The following EIF4G3 variants were observed in gnomAD, a reference collection of about 807,000 sequenced individuals.
EIF4G3 encodes the protein eIF-4-gamma 3.
In EIF4G3, 34 loss-of-function variants were observed where a neutral mutation model predicts 186.4. The observed-to-expected ratio is 0.18, with a 90% CI of 0.14 to 0.24. The LOEUF (loss-of-function observed/expected upper bound fraction) is 0.24, where lower values mean the gene tolerates loss of function less well. Among genes scored for constraint, EIF4G3 ranks in the 10% least tolerant of loss-of-function variants. EIF4G3 has a pLI of 1.00. For missense variants in EIF4G3, 1,536 were observed against 1,948.5 expected (o/e 0.79, Z 3.99); for synonymous variants, 673 against 679.5 (o/e 0.99, Z 0.15).
intron 25 of EIF4G3, among the ~76,000 whole-genome samples, chr1:20,856,396 G>A (rs1257224758): frequency 3.3e-5 from 5 of 152,134 alleles, no homozygotes; most frequent in Non-Finnish European, 4.4e-5. Flanking sequence ...TCAGAACTAT[G>A]GGAAGTATAA....
chr1:20,947,330 C>T (rs909521178), intron 13 of EIF4G3, among the ~76,000 whole-genome samples: 3 of 149,806 alleles, frequency 2.0e-5, no homozygotes, highest in Non-Finnish European at 3.0e-5. Context: ...GGTGATAGAA[C>T]GAAACCCTGT....
intron 3 of EIF4G3, among the ~76,000 whole-genome samples, chr1:21,081,734 C>T (rs1444071722): frequency 1.3e-5 from 2 of 150,982 alleles, no homozygotes; most frequent in African/African-American, 2.4e-5. Flanking sequence ...CCCTGACTCC[C>T]GGGTTCAAGC....
chr1:21,025,610 T>C (rs759021082), intron 4 of EIF4G3, among the ~76,000 whole-genome samples: 19 of 152,208 alleles, frequency 1.2e-4, no homozygotes, highest in Non-Finnish European at 2.5e-4. Context: ...CAGGCTATCA[T>C]TGACTTCACT....
Position 21,160,763 on chromosome 1 carries a change from G to A in EIF4G3, c.-272+15412C>T, listed in dbSNP as rs182101159. Among the ~76,000 whole-genome samples the A allele has an allele frequency of 3.3e-5, 5 of 152,278 alleles. No homozygotes were observed. The East Asian group carries it at 9.6e-4, about 29-fold the overall frequency. ...ACAGGAATCGTTACAAACCATAAGA[G>A]AATAAAGAGAAATAACTAAATGCAA... On this transcript the variant is annotated intron_variant, in intron 2 of 36. Coordinates refer to ENST00000602326, the MANE Select transcript of EIF4G3 (RefSeq NM_001391906.1).
chr1:21,058,639 A>C (rs1571871043), intron 3 of EIF4G3, among the ~76,000 whole-genome samples: 1 of 145,816 alleles, frequency 6.9e-6, no homozygotes, highest in African/African-American at 2.6e-5. Context: ...TAATCCACCC[A>C]CCTCAGCCTC....
At chr1:21,166,712 G>A (rs1251326012) in intron 2 of EIF4G3, among the ~76,000 whole-genome samples, 1 of 152,108 alleles carries the variant, frequency 6.6e-6, no homozygotes, top group African/African-American at 2.4e-5. Context: ...CAGCTTGGGT[G>A]ACAGAGCAAG....
At chr1:21,146,985 C>T (rs1451223783) in intron 2 of EIF4G3, among the ~76,000 whole-genome samples, 2 of 151,538 alleles carry the variant, frequency 1.3e-5, no homozygotes, top group African/African-American at 4.8e-5. Flanking sequence ...AGGATTTGGG[C>T]GGGTCAGTGG....
chr1:20,911,713 C>T (rs188826721), intron 14 of EIF4G3, among the ~76,000 whole-genome samples: 1 of 151,574 alleles, frequency 6.6e-6, no homozygotes, highest in Non-Finnish European at 1.5e-5. Flanking sequence ...CTTCTCTTTA[C>T]TAACTTATTT....
chr1:20,876,222 C>CAAAAAA (rs34150070), intron 20 of EIF4G3, among the ~76,000 whole-genome samples: 3 of 13,994 alleles, frequency 2.1e-4, no homozygotes, highest in East Asian at 2.1e-3. Context: ...GAGCCTGTCT[C>CAAAAAA]AAAAAAAAAA....
At chr1:21,052,577 C>T (rs2094289870) in intron 3 of EIF4G3, among the ~76,000 whole-genome samples, 1 of 151,940 alleles carries the variant, frequency 6.6e-6, no homozygotes, top group Admixed American at 6.5e-5. Flanking sequence ...CTCCCTCTCC[C>T]TCTCCCCACG....
At chr1:20,829,077 T>C in intron 31 of EIF4G3, 70 bp downstream of exon 31, 4 of 1,541,896 alleles carry the variant, frequency 2.6e-6, no homozygotes, top group Non-Finnish European at 1.8e-6. Flanking sequence ...AGTACTATGA[T>C]AGAGAGCTAG....
At chr1:20,966,014 T>C (rs1026773858) in intron 12 of EIF4G3, among the ~76,000 whole-genome samples, 4 of 152,216 alleles carry the variant, frequency 2.6e-5, no homozygotes, top group African/African-American at 9.6e-5. Context: ...CTATTTCACA[T>C]GTACCACCAC....
At chr1:20,862,386 T>C in intron 22 of EIF4G3, 54 bp from the exon 23 acceptor site, 7 of 1,082,084 alleles carry the variant, frequency 6.5e-6, no homozygotes, top group Middle Eastern at 2.0e-4. Context: ...AACGTAATTT[T>C]ACCAATTTAC....
intron 2 of EIF4G3, among the ~76,000 whole-genome samples, chr1:21,150,465 C>G (rs562625929): frequency 1.2e-3 from 187 of 152,266 alleles, no homozygotes; most frequent in Admixed American, 2.3e-3. Flanking sequence ...TATACTGACA[C>G]TATGGGGAAA....
At chr1:20,944,091 A>G (rs758778445) in intron 13 of EIF4G3, among the ~76,000 whole-genome samples, 8 of 148,368 alleles carry the variant, frequency 5.4e-5, no homozygotes, top group Non-Finnish European at 1.5e-5. Flanking sequence ...TGTATTTATC[A>G]AAATATCTTT....
At chr1:21,065,803 T>C (rs1227084328) in intron 3 of EIF4G3, among the ~76,000 whole-genome samples, 1 of 152,208 alleles carries the variant, frequency 6.6e-6, no homozygotes, top group African/African-American at 2.4e-5. Flanking sequence ...TTTACAAATA[T>C]TTAAACTGTT....
At chr1:20,832,559 T>C (rs1403684956) in intron 30 of EIF4G3, among the ~76,000 whole-genome samples, 2 of 146,984 alleles carry the variant, frequency 1.4e-5, no homozygotes, top group African/African-American at 5.0e-5. Context: ...ATTTTGTAGG[T>C]TGCCTGTTCA....
At position 21,030,837 on chromosome 1, in the gene EIF4G3, A is replaced by G. The variant is rs16824959; in HGVS notation, c.-67+20029T>C. 5.2e-3 allele frequency among the ~76,000 whole-genome samples: 785 copies of G among 152,280 alleles called. 7 individuals are homozygous for G. Among genetic ancestry groups the G allele is most frequent in the African/African-American group, 0.018 (754 of 41,560 alleles). On this transcript the variant is annotated intron_variant, in intron 4 of 36. Transcript: ENST00000602326. ...GTGCAGATCTAGACTGTGTCCATAT[A>G]GATTGCTGAATATGTGTCTATATAC...
chr1:20,962,619 C>T lies in EIF4G3; in HGVS notation c.714+6855G>A, dbSNP rs145810086. Among the ~76,000 whole-genome samples, 787 of 152,270 alleles carry T rather than the reference C, an allele frequency of 5.2e-3. 7 individuals carry two copies. Among genetic ancestry groups the T allele is most frequent in the African/African-American group, 0.018 (757 of 41,548 alleles). On this transcript the variant is annotated intron_variant, in intron 12 of 36. Transcript: ENST00000602326. ...AGTACTGCCAGCATCACTGGTGGCACTCTGTATGGGTCCCATGGTGTTATT... is the reference window on the plus strand; with the variant it reads ...AGTACTGCCAGCATCACTGGTGGCATTCTGTATGGGTCCCATGGTGTTATT...
Sources: gnomAD v4.1 joint callset for allele counts (sites outside exome capture counted in the v4.1 genomes callset) on GRCh38, gnomAD v4.1.1 for gene constraint, MANE v1.5 for transcripts, NCBI Gene and HGNC (gene_info 2026-07-23, HGNC 2026-07-21) for gene names.